Variants in NPC1 observed in about 807,000 individuals in gnomAD.
NPC1 encodes the protein Niemann-Pick C1 protein.
Under a neutral mutation model 140.4 loss-of-function variants are expected in NPC1, and 85 were observed. The ratio of observed to expected loss-of-function variants is 0.61; its 90% CI spans 0.51 to 0.72. The LOEUF (loss-of-function observed/expected upper bound fraction) is 0.72, where lower values mean the gene tolerates loss of function less well. Ranked by LOEUF, NPC1 falls within the 30% of genes least tolerant of loss-of-function variation. The pLI is 0.00. For synonymous variants in NPC1, 656 were observed against 624.8 expected (o/e 1.05, Z -0.74); for missense variants, 1,504 against 1,623.8 (o/e 0.93, Z 1.27).
downstream of NPC1, among the ~76,000 whole-genome samples, chr18:23,518,024 C>G (rs1434316508): frequency 6.6e-6 from 1 of 152,206 alleles, no homozygotes; most frequent in African/African-American, 2.4e-5. Flanking sequence ...AGCCAGCATT[C>G]CTGTTTAGAC....
At chr18:23,511,029 A>G (rs2057843209) in intron 3 of NPC1, among the ~76,000 whole-genome samples, 1 of 152,248 alleles carries the variant, frequency 6.6e-6, no homozygotes. Flanking sequence ...ATGCACGTGA[A>G]TGTTCATTGC....
At chr18:23,525,091 C>T (rs1268263302), downstream of NPC1, among the ~76,000 whole-genome samples, 2 of 151,802 alleles carry the variant, frequency 1.3e-5, no homozygotes, top group Non-Finnish European at 2.9e-5. Flanking sequence ...GGATTACAGG[C>T]ATGTGCCACC....
At chr18:23,509,222 C>A in intron 3 of NPC1, 2 of 1,459,290 alleles carry the variant, frequency 1.4e-6, no homozygotes, top group Non-Finnish European at 1.8e-6. Flanking sequence ...TAGGATTCTG[C>A]TGGACTAGTT....
intron 10 of NPC1, among the ~76,000 whole-genome samples, chr18:23,549,858 C>CA (rs980066462): frequency 1.3e-5 from 2 of 151,658 alleles, no homozygotes; most frequent in African/African-American, 4.8e-5. Context: ...TCTCCTGCCT[C>CA]AGTCTCCCGA....
intron 1 of NPC1, among the ~76,000 whole-genome samples, chr18:23,580,731 G>A (rs946963340): frequency 6.6e-6 from 1 of 152,226 alleles, no homozygotes; most frequent in African/African-American, 2.4e-5. Context: ...AGAGAGCAGA[G>A]GCTGGCCTGG....
At chr18:23,542,246 A>G (rs1598950314) in intron 14 of NPC1, among the ~76,000 whole-genome samples, 2 of 63,770 alleles carry the variant, frequency 3.1e-5, no homozygotes, top group East Asian at 6.1e-4. Flanking sequence ...TGAAAAAAAG[A>G]AAGTTTTTTC....
downstream of NPC1, among the ~76,000 whole-genome samples, chr18:23,526,196 T>C (rs1358950416): frequency 6.6e-6 from 1 of 152,254 alleles, no homozygotes; most frequent in Non-Finnish European, 1.5e-5. Context: ...TGATGTTCCA[T>C]TGAGAGCCTC....
downstream of NPC1, among the ~76,000 whole-genome samples, chr18:23,519,495 G>A (rs1290673261): frequency 6.6e-6 from 1 of 151,722 alleles, no homozygotes; most frequent in African/African-American, 2.4e-5. Flanking sequence ...TCCAGCCTGG[G>A]TGATGGAGCA....
At chr18:23,546,803 A>G (rs1418707803) in intron 11 of NPC1, among the ~76,000 whole-genome samples, 1 of 152,214 alleles carries the variant, frequency 6.6e-6, no homozygotes, top group Non-Finnish European at 1.5e-5. Context: ...CTCCAGAGAC[A>G]GTATTTTAGT....
intron 16 of NPC1, among the ~76,000 whole-genome samples, chr18:23,540,743 C>G (rs527481600): frequency 6.6e-6 from 1 of 152,212 alleles, no homozygotes. Context: ...CTGCCACTTA[C>G]GGGCTGAGTG....
intron 10 of NPC1, among the ~76,000 whole-genome samples, chr18:23,548,971 T>C (rs2058828585): frequency 6.6e-6 from 1 of 152,042 alleles, no homozygotes; most frequent in Non-Finnish European, 1.5e-5. Flanking sequence ...TGTATTTATG[T>C]AGAGATGGGA....
chr18:23,529,154 AT>A (rs1237377669), downstream of NPC1: 1 of 1,603,946 alleles, frequency 6.2e-7, no homozygotes, highest in Non-Finnish European at 8.5e-7. Flanking sequence ...GCCGAAGATC[AT>A]AGTTTGTGGT....
intron 6 of NPC1, 92 bp downstream of exon 6, chr18:23,560,139 T>A (rs1420391625): frequency 2.1e-5 from 32 of 1,501,182 alleles, no homozygotes; most frequent in Non-Finnish European, 1.7e-5. Context: ...TTGTTTCTTG[T>A]CCTAAGTAAC....
chr18:23,576,094 C>G (rs1599016529), intron 1 of NPC1, among the ~76,000 whole-genome samples: 1 of 152,108 alleles, frequency 6.6e-6, no homozygotes, highest in East Asian at 1.9e-4. Context: ...GTGGGGGGTG[C>G]ATGCCTGTAA....
chr18:23,526,272 C>G (rs552122454), downstream of NPC1, among the ~76,000 whole-genome samples: 1 of 152,314 alleles, frequency 6.6e-6, no homozygotes, highest in East Asian at 1.9e-4. Flanking sequence ...GAAGTTGATG[C>G]CACGTGTTGA....
At chr18:23,527,197 G>A (rs1247929527), downstream of NPC1, among the ~76,000 whole-genome samples, 2 of 110,528 alleles carry the variant, frequency 1.8e-5, no homozygotes, top group Non-Finnish European at 3.3e-5. Flanking sequence ...CAGCCTGGAC[G>A]ACAACATGGC....
At chr18:23,543,719 T>TCCA (rs2058744607) in intron 13 of NPC1, 150 bp from the exon 14 acceptor site, 2 of 637,990 alleles carry the variant, frequency 3.1e-6, no homozygotes, top group Admixed American at 2.7e-5. Flanking sequence ...GGTGGGGGAC[T>TCCA]CCAATGTTCT....
intron 1 of NPC1, among the ~76,000 whole-genome samples, chr18:23,579,398 T>C (rs753247108): frequency 1.3e-5 from 2 of 152,202 alleles, no homozygotes; most frequent in Non-Finnish European, 2.9e-5. Flanking sequence ...AACTGGATTA[T>C]CTAAGTTCAG....
Position 23,533,500 on chromosome 18 carries a change from T to C in NPC1, c.3609A>G (p.Thr1203=). ...CCACAATCCCTCCAAATTTTGTAAG[T>C]GTGATTCCACTGAACACCTAAAAGA... The part of the protein sequence containing the change: ...HMGSSVFSGI[T]LTKFGGIVVL... Residue 1203 remains threonine (T), a synonymous_variant, in exon 24 of 25, where the codon ACA becomes ACG. Transcript: ENST00000269228. 6.2e-7 allele frequency: 1 copy of C among 1,614,244 alleles called. No homozygotes were observed. Among genetic ancestry groups the C allele is most frequent in the Non-Finnish European group, 8.5e-7 (1 of 1,180,024 alleles).
Sources: gnomAD v4.1 joint callset for allele counts (sites outside exome capture counted in the v4.1 genomes callset) on GRCh38, gnomAD v4.1.1 for gene constraint, MANE v1.5 for transcripts, NCBI Gene and HGNC (gene_info 2026-07-23, HGNC 2026-07-21) for gene names.